ATM: variants seen among roughly 807,000 people sequenced by gnomAD.
ATM encodes the protein ATM serine/threonine kinase.
A neutral mutation model predicts 387.0 loss-of-function variants in ATM; 308 were observed. The ratio of observed to expected loss-of-function variants is 0.80; its 90% CI spans 0.73 to 0.87. The LOEUF (loss-of-function observed/expected upper bound fraction) is 0.87. ATM is among the 40% of genes least tolerant of loss of function. The pLI is 0.00. For missense variants in ATM, 3,312 were observed against 3,560.9 expected (o/e 0.93, Z 1.78); for synonymous variants, 1,156 against 1,187.3 (o/e 0.97, Z 0.54).
At position 108,267,198 on chromosome 11, in the gene ATM, C is replaced by A. The variant is rs2229022; in HGVS notation, c.2494C>A (p.Arg832Ser). ...ATCCTTCATCAAAAAGCCATTTGAC[C>A]GTGGAGAAGTAGAATCAATGGAAGA... Reference protein sequence around the residue: ...LASFIKKPFDRGEVESMEDDT... With the variant: ...LASFIKKPFDSGEVESMEDDT... Residue 832 changes from arginine (R) to serine (S), a missense_variant, in exon 17 of 63, where the codon CGT (arginine) becomes AGT (serine). Physicochemically the swap from Arg to Ser is moderately radical, Grantham distance 110. Around this residue, in one of 4 missense-constraint regions of ATM, gnomAD observed 1,791 missense variants for 1,804.5 expected, o/e 0.99. Transcript: ENST00000675843. 2.5e-6 allele frequency: 4 copies of A among 1,613,952 alleles called. No individual in the cohort carries two copies. Among genetic ancestry groups the A allele is most frequent in the Non-Finnish European group, 2.5e-6 (3 of 1,179,984 alleles).
chr11:108,313,874 C>T (rs184437345), intron 40 of ATM, among the ~76,000 whole-genome samples: 1 of 152,118 alleles, frequency 6.6e-6, no homozygotes, highest in East Asian at 1.9e-4. Flanking sequence ...CTAGTTTTTT[C>T]TATTTTATTT....
intron 26 of ATM, among the ~76,000 whole-genome samples, chr11:108,285,199 A>G (rs1003711264): frequency 6.6e-6 from 1 of 152,044 alleles, no homozygotes; most frequent in Non-Finnish European, 1.5e-5. Flanking sequence ...ACCTCAGGTG[A>G]TCTTCCCACC....
In ATM at chr11:108,329,246, G is replaced by C. The variant is rs1057523631; in HGVS notation, c.7307+8G>C. On this transcript the variant is annotated splice_region_variant and intron_variant, in intron 49 of 62. Coordinates refer to ENST00000675843, the MANE Select transcript of ATM (RefSeq NM_000051.4). ...TAAAATTCAGACAAACAGGTAACTAGGTTTCTACAAGTGACAATTTTATGT... is the reference window on the plus strand; with the variant it reads ...TAAAATTCAGACAAACAGGTAACTACGTTTCTACAAGTGACAATTTTATGT... The C allele has an allele frequency of 6.2e-7, 1 of 1,606,090 alleles. No individual in the cohort carries two copies. Among genetic ancestry groups the C allele is most frequent in the Non-Finnish European group, 8.5e-7 (1 of 1,173,484 alleles).
intron 54 of ATM, 33 bp downstream of exon 54, chr11:108,334,001 AC>A (rs2086565731): frequency 1.3e-6 from 2 of 1,535,238 alleles, no homozygotes; most frequent in East Asian, 4.5e-5. Flanking sequence ...TTTTTTTTAA[AC>A]TAAATTTTTT....
chr11:108,366,528 G>C lies in ATM; in HGVS notation c.*1020G>C. The C allele has an allele frequency of 4.4e-6, 1 of 228,352 alleles. No homozygotes were observed. The highest frequency in any genetic ancestry group is 6.3e-5 in the East Asian group (1 of 15,894). The allele number at this position is 228,352 out of a possible 1,614,324, so 14.1% of individuals were successfully genotyped here. A position where few individuals can be genotyped will look rare whatever the true frequency, so the allele number is the denominator to read the frequency against. On this transcript the variant is annotated 3_prime_UTR_variant, in exon 63 of 63. Transcript: ENST00000675843. ...TTGTATTTGATAGGCTGTTCATCCA[G>C]TTTTGTCTTTTTGAAAAGTGAGTTT...
intron 44 of ATM, among the ~76,000 whole-genome samples, chr11:108,320,663 A>G (rs944523746): frequency 2.0e-5 from 3 of 152,222 alleles, no homozygotes; most frequent in African/African-American, 7.2e-5. Flanking sequence ...TTACACAGCT[A>G]TAAGTGACAG....
At chr11:108,231,861 G>A (rs746599892) in intron 4 of ATM, among the ~76,000 whole-genome samples, 5 of 152,144 alleles carry the variant, frequency 3.3e-5, no homozygotes, top group Non-Finnish European at 5.9e-5. Flanking sequence ...ATGCGAGTTC[G>A]TGTGGATAGC....
Position 108,364,706 on chromosome 11 carries a change from A to G in ATM, c.8851-376A>G, listed in dbSNP as rs141781436. On this transcript the variant is annotated intron_variant, in intron 61 of 62. Transcript: ENST00000675843. Reference sequence around the variant, plus strand: ...CTCTCCAGTTCCCACATCCCAATCTATACCTTGAGACAGCCTGGGCTGAGG... The same window carrying G: ...CTCTCCAGTTCCCACATCCCAATCTGTACCTTGAGACAGCCTGGGCTGAGG... Among the ~76,000 whole-genome samples, 20 of 152,302 alleles carry G rather than the reference A, an allele frequency of 1.3e-4. No individual in the cohort carries two copies. In the East Asian group the frequency reaches 3.9e-3, roughly 29 times the overall value.
At chr11:108,280,952 A>G in intron 23 of ATM, 43 bp from the exon 24 acceptor site, 1 of 1,544,732 alleles carries the variant, frequency 6.5e-7, no homozygotes, top group South Asian at 1.2e-5. Context: ...ATTGTTAAAC[A>G]TTTACATTTT....
rs1348606067 is a variant in ATM, at chr11:108,256,300, A to G, written c.2210A>G (p.Glu737Gly). The change falls in exon 14 of 63, where the codon GAA becomes GGA. Residue 737 changes from glutamate (E) to glycine (G), a missense_variant. Physicochemically the swap from Glu to Gly is moderately conservative, Grantham distance 98. Around this residue, in one of 4 missense-constraint regions of ATM, gnomAD observed 1,791 missense variants for 1,804.5 expected, o/e 0.99. Transcript: ENST00000675843. ...GCYCYMGVIAEEEAYKSELFQ... is the reference protein window; with the variant it reads ...GCYCYMGVIAGEEAYKSELFQ... ...TACTGTTACATGGGTGTAATAGCTG[A>G]AGAGGAAGCATATAAGTCAGAATTA... 6.2e-7 allele frequency: 1 copy of G among 1,611,422 alleles called. No homozygotes were observed. The highest frequency in any genetic ancestry group is 1.3e-5 in the African/African-American group (1 of 74,868).
intron 5 of ATM, among the ~76,000 whole-genome samples, chr11:108,241,876 C>T: frequency 6.6e-6 from 1 of 150,428 alleles, no homozygotes; most frequent in East Asian, 2.0e-4. Flanking sequence ...TTCCAAGTAG[C>T]TGTGACCACA....
intron 36 of ATM, 92 bp downstream of exon 36, chr11:108,303,121 T>A: frequency 1.6e-6 from 2 of 1,213,622 alleles, no homozygotes; most frequent in South Asian, 2.7e-5. Context: ...TCACATAATA[T>A]CACCCCCACT....
chr11:108,325,868 A>G (rs539591104), intron 46 of ATM, among the ~76,000 whole-genome samples, 190 bp from the exon 47 acceptor site: 1 of 152,000 alleles, frequency 6.6e-6, no homozygotes, highest in Non-Finnish European at 1.5e-5. Flanking sequence ...ATAGAGAGAG[A>G]CAGACAGACA....
At chr11:108,265,591 A>AT (rs2081183408) in intron 16 of ATM, among the ~76,000 whole-genome samples, 1 of 150,642 alleles carries the variant, frequency 6.6e-6, no homozygotes. Context: ...TTCATGTCTA[A>AT]AACACCAAAA....
At chr11:108,285,705 G>A (rs2082455993) in intron 26 of ATM, among the ~76,000 whole-genome samples, 1 of 151,914 alleles carries the variant, frequency 6.6e-6, no homozygotes, top group South Asian at 2.1e-4. Context: ...AGAACTGGTT[G>A]TAAGTCTGCA....
chr11:108,282,959 A>G (rs1349386947), intron 25 of ATM, 80 bp downstream of exon 25: 3 of 916,440 alleles, frequency 3.3e-6, no homozygotes, highest in Non-Finnish European at 5.0e-6. Context: ...CTCACCAGCA[A>G]CACACATACC....
Position 108,320,103 on chromosome 11 carries a change from A to G in ATM, c.6452+45A>G, listed in dbSNP as rs2085094079. 7.9e-6 allele frequency: 11 copies of G among 1,397,864 alleles called. No individual in the cohort carries two copies. In the East Asian group the frequency reaches 1.6e-4, roughly 20 times the overall value. 86.6% of individuals were successfully genotyped at this position (1,397,864 alleles called of 1,614,324 possible). ...TTACTGTATTTTAACATTTAATGTCATGGCTTCTTTTCTGAAAACTTGAGA... is the reference window on the plus strand; with the variant it reads ...TTACTGTATTTTAACATTTAATGTCGTGGCTTCTTTTCTGAAAACTTGAGA... On this transcript the variant is annotated intron_variant, in intron 44 of 62. Coordinates refer to ENST00000675843, the MANE Select transcript of ATM (RefSeq NM_000051.4).
intron 38 of ATM, 60 bp from the exon 39 acceptor site, chr11:108,310,099 GC>G: frequency 6.5e-7 from 1 of 1,534,624 alleles, no homozygotes; most frequent in Non-Finnish European, 9.0e-7. Context: ...ATATCAACAT[GC>G]TTTTATTTTG....
At chr11:108,357,613 GCCT>G (rs1480866904) in intron 61 of ATM, among the ~76,000 whole-genome samples, 1 of 152,120 alleles carries the variant, frequency 6.6e-6, no homozygotes, top group African/African-American at 2.4e-5. Flanking sequence ...CAGGCAGACT[GCCT>G]CCTCAAGTGG....
Sources: allele counts gnomAD v4.1 joint callset (sites outside exome capture counted in the v4.1 genomes callset), GRCh38; gene constraint gnomAD v4.1.1; regional missense constraint gnomAD v4.1.1; transcripts MANE v1.5; gene names NCBI Gene and HGNC (gene_info 2026-07-23, HGNC 2026-07-21).